The following OTOP1 variants were observed in gnomAD, a reference collection of about 807,000 sequenced individuals.
OTOP1 encodes otopetrin 1, also known as proton channel OTOP1.
A neutral mutation model predicts 52.9 loss-of-function variants in OTOP1; 59 were observed. The ratio of observed to expected loss-of-function variants is 1.12; its 90% confidence interval spans 0.91 to 1.39. OTOP1 has a LOEUF of 1.39. Ranked by LOEUF, OTOP1 falls within the 40% of genes most tolerant of loss-of-function variation. OTOP1 has a pLI of 0.00. For synonymous variants in OTOP1, 317 were observed against 337.7 expected, an observed-to-expected ratio of 0.94 and a Z score of 0.67; for missense variants, 761 against 800.9, an observed-to-expected ratio of 0.95 and a Z score of 0.60.
chr4:4,192,797 G>A (rs776711511), intron 5 of OTOP1, among the ~76,000 whole-genome samples: 2 of 152,108 alleles, frequency 1.3e-5, no homozygotes, highest in Non-Finnish European at 2.9e-5. Flanking sequence ...GTCACAAAAG[G>A]ACTAATACTC....
intron 1 of OTOP1, among the ~76,000 whole-genome samples, chr4:4,214,655 T>G (rs571267636): frequency 1.3e-5 from 2 of 152,190 alleles, no homozygotes; most frequent in African/African-American, 4.8e-5. Context: ...CGATACAGTA[T>G]GGATGAGCCA....
intron 1 of OTOP1, among the ~76,000 whole-genome samples, chr4:4,223,449 AATAAG>A (rs1560212356): frequency 5.1e-4 from 72 of 139,934 alleles, no homozygotes; most frequent in African/African-American, 1.9e-3. Context: ...ATGGATGATG[AATAAG>A]TGAATGATGA....
chr4:4,200,505 T>C (rs1457741994), intron 4 of OTOP1, among the ~76,000 whole-genome samples: 2 of 149,682 alleles, frequency 1.3e-5, no homozygotes, highest in African/African-American at 4.9e-5. Flanking sequence ...AAAAACTATA[T>C]CGTAGCATTA....
At position 4,194,014 on chromosome 4, in the gene OTOP1, C is replaced by T. The variant is rs150183029; in HGVS notation, c.1668+3152G>A. Among the ~76,000 whole-genome samples, 69 of 152,196 alleles carry T rather than the reference C, an allele frequency of 4.5e-4. No individual in the cohort carries two copies. In the East Asian group the frequency reaches 0.013, roughly 29 times the overall value. ...ACCACCCTGACCAACCTAGTGAAAC[C>T]CTGTCTCTACTAAAAATAGAAAAAT... On this transcript the variant is annotated intron_variant, in intron 5 of 5. Transcript: ENST00000296358.
At chr4:4,189,619 A>G (rs1445394989) in intron 5 of OTOP1, among the ~76,000 whole-genome samples, 1 of 152,074 alleles carries the variant, frequency 6.6e-6, no homozygotes, top group African/African-American at 2.4e-5. Flanking sequence ...CTCACTTCCA[A>G]CTCACAAAAT....
chr4:4,192,621 C>T (rs1454785680), intron 5 of OTOP1, among the ~76,000 whole-genome samples: 1 of 152,206 alleles, frequency 6.6e-6, no homozygotes, highest in East Asian at 1.9e-4. Flanking sequence ...CCTCCACCCA[C>T]TGCTCCCAAG....
intron 2 of OTOP1, among the ~76,000 whole-genome samples, chr4:4,212,005 A>G (rs566060699): frequency 6.6e-6 from 1 of 152,352 alleles, no homozygotes; most frequent in East Asian, 1.9e-4. Flanking sequence ...AAAGGCAACT[A>G]TGTGAGATGA....
chr4:4,204,167 T>G (rs1396757057), intron 3 of OTOP1, among the ~76,000 whole-genome samples: 2 of 152,118 alleles, frequency 1.3e-5, no homozygotes, highest in African/African-American at 4.8e-5. Flanking sequence ...AGGCAAAACC[T>G]TGCCTCATTT....
In OTOP1 at chr4:4,202,501, A is replaced by T. The variant is rs761063348; in HGVS notation, c.677T>A (p.Leu226His). ...NGVLNESKHQLNEHKERLITL... is the reference protein window; with the variant it reads ...NGVLNESKHQHNEHKERLITL... Reference sequence around the variant, plus strand: ...GATGAGCCGTTCCTTGTGCTCATTGAGTTGGTGCTTTGACTCATTGAGGAC... The same window carrying T: ...GATGAGCCGTTCCTTGTGCTCATTGTGTTGGTGCTTTGACTCATTGAGGAC... Residue 226 changes from leucine to histidine, a missense_variant, in exon 4 of 6, where the codon CTC becomes CAC. Leu to His is a moderately conservative substitution (Grantham distance 99, BLOSUM62 -3). Coordinates refer to ENST00000296358, the MANE Select transcript of OTOP1 (RefSeq NM_177998.3). 4 of 1,613,924 alleles carry T rather than the reference A, an allele frequency of 2.5e-6. No homozygotes were observed. The highest frequency in any genetic ancestry group is 3.4e-6 in the Non-Finnish European group (4 of 1,179,966).
intron 5 of OTOP1, among the ~76,000 whole-genome samples, chr4:4,191,448 T>TA (rs1716503464): frequency 6.6e-6 from 1 of 152,188 alleles, no homozygotes; most frequent in South Asian, 2.1e-4. Context: ...CATGGGGTGA[T>TA]AAAGCGCTCT....
rs533226081 is a variant in OTOP1, at chr4:4,194,636, T to C, written c.1668+2530A>G. On this transcript the variant is annotated intron_variant, in intron 5 of 5. Transcript: ENST00000296358. Reference sequence around the variant, plus strand: ...AAAGCTGCAGGCCCTGTATGCACCATCTGAAATTCAGGGGAGGAAGCCCAA... The same window carrying C: ...AAAGCTGCAGGCCCTGTATGCACCACCTGAAATTCAGGGGAGGAAGCCCAA... Among the ~76,000 whole-genome samples, 7 of 152,316 alleles carry C rather than the reference T, an allele frequency of 4.6e-5. No homozygotes were observed. In the East Asian group the frequency reaches 9.7e-4, roughly 21 times the overall value.
chr4:4,202,850 T>C (rs1402146869), intron 3 of OTOP1, among the ~76,000 whole-genome samples: 1 of 152,204 alleles, frequency 6.6e-6, no homozygotes, highest in Non-Finnish European at 1.5e-5. Flanking sequence ...AAGCTGGGTC[T>C]TGGAAGCAGA....
intron 4 of OTOP1, among the ~76,000 whole-genome samples, chr4:4,199,958 T>C (rs1404920574): frequency 6.6e-6 from 1 of 152,172 alleles, no homozygotes; most frequent in South Asian, 2.1e-4. Flanking sequence ...TATTATTTCA[T>C]CAAGCATACA....
chr4:4,210,098 C>G (rs1042653090), intron 2 of OTOP1, among the ~76,000 whole-genome samples: 2 of 152,200 alleles, frequency 1.3e-5, no homozygotes, highest in South Asian at 4.1e-4. Flanking sequence ...CTGTCTCTCA[C>G]CTAACTGACA....
At position 4,197,404 on chromosome 4, in the gene OTOP1, G is replaced by A. The variant is rs1716664513; in HGVS notation, c.1430C>T (p.Ser477Phe). The change falls in exon 5 of 6, where the codon TCC becomes TTC. Residue 477 changes from serine (S) to phenylalanine (F), a missense_variant. Ser to Phe is a radical substitution (Grantham distance 155). Around this residue, in one of 3 missense-constraint regions of OTOP1, gnomAD observed 632 missense variants for 619.5 expected, o/e 1.02. Transcript: ENST00000296358. ...GGCCACACCTCCACTCTTGGGGCAG[G>A]AAGAAGCAAGGGGCATGGTGTTGCC... ...CNGNTMPLAS[S>F]CPKSGGVARD... The A allele has an allele frequency of 6.2e-7, 1 of 1,613,998 alleles. No homozygotes were observed. Among genetic ancestry groups the A allele is most frequent in the South Asian group, 1.1e-5 (1 of 91,076 alleles).
intron 1 of OTOP1, among the ~76,000 whole-genome samples, chr4:4,222,042 C>T (rs1483487531): frequency 2.6e-5 from 4 of 152,160 alleles, no homozygotes; most frequent in African/African-American, 9.7e-5. Flanking sequence ...ATCCATCCAT[C>T]CAATCATTCA....
intron 5 of OTOP1, among the ~76,000 whole-genome samples, chr4:4,190,164 G>C (rs10017855): frequency 0.23 from 34,391 of 152,070 alleles, 4,552 homozygotes; most frequent in South Asian, 0.36. Flanking sequence ...ATTGAACCAA[G>C]CACAGATCAA....
intron 2 of OTOP1, among the ~76,000 whole-genome samples, chr4:4,209,901 C>A (rs950660214): frequency 1.3e-5 from 2 of 152,136 alleles, no homozygotes; most frequent in African/African-American, 4.8e-5. Flanking sequence ...CCCAAAGACA[C>A]CCTCTTCCAG....
At chr4:4,190,712 A>G (rs1282877535) in intron 5 of OTOP1, among the ~76,000 whole-genome samples, 2 of 152,164 alleles carry the variant, frequency 1.3e-5, no homozygotes, top group African/African-American at 2.4e-5. Flanking sequence ...GCATCTGTGC[A>G]TTTGGTATCC....
Sources: allele counts gnomAD v4.1 joint callset (sites outside exome capture counted in the v4.1 genomes callset), GRCh38; gene constraint gnomAD v4.1.1; regional missense constraint gnomAD v4.1.1; transcripts MANE v1.5; gene names NCBI Gene and HGNC (gene_info 2026-07-23, HGNC 2026-07-21).